FBXL18: variants seen among roughly 807,000 people sequenced by gnomAD.
FBXL18 encodes F-box/LRR-repeat protein 18.
In FBXL18, 36 loss-of-function variants were observed where a neutral mutation model predicts 46.0. That is an observed-to-expected ratio of 0.78 (90% CI 0.60 to 1.03). FBXL18 has a LOEUF of 1.03. Ranked by LOEUF, FBXL18 falls within the 50% of genes least tolerant of loss-of-function variation. The pLI, the probability that FBXL18 is intolerant of heterozygous loss-of-function variation, is 0.00. For missense variants in FBXL18, 977 were observed against 1,004.1 expected (o/e 0.97, Z 0.36); for synonymous variants, 557 against 465.3 (o/e 1.20, Z -2.54).
chr7:5,492,248 G>T (rs899897845), intron 3 of FBXL18, among the ~76,000 whole-genome samples: 1 of 150,362 alleles, frequency 6.7e-6, no homozygotes, highest in African/African-American at 2.5e-5. Context: ...ACAGAAAGCA[G>T]AAGGACAGGC....
Position 5,481,932 on chromosome 7 carries a change from C to T in FBXL18, c.2001-1G>A. On this transcript the variant is annotated splice_acceptor_variant, in intron 4 of 4. Transcript: ENST00000382368. LOFTEE classifies it high-confidence loss of function. ...TAACGCGGGCCGCTCGGCCTGGAAG[C>T]TGAACCAGAGACAGGCGGTCAGCGG... is the stretch of plus-strand genomic sequence containing the variant. 6.2e-7 allele frequency: 1 copy of T among 1,600,856 alleles called. No homozygotes were observed. Among genetic ancestry groups the T allele is most frequent in the Non-Finnish European group, 8.5e-7 (1 of 1,172,622 alleles).
chr7:5,513,649 G>A lies in FBXL18; in HGVS notation c.18+8C>T, dbSNP rs1784599290. The A allele has an allele frequency of 6.2e-7, 1 of 1,611,860 alleles. No individual in the cohort carries two copies. The highest frequency in any genetic ancestry group is 8.5e-7 in the Non-Finnish European group (1 of 1,179,058). ...CAGAAGCAGAGCGGAGACAGTCGCG[G>A]ACAGTACCTCTCCGGAGCTGGCCAT... is the stretch of plus-strand genomic sequence containing the variant. On this transcript the variant is annotated splice_region_variant and intron_variant, in intron 1 of 4. Coordinates refer to ENST00000382368, the MANE Select transcript of FBXL18 (RefSeq NM_024963.6).
intron 3 of FBXL18, among the ~76,000 whole-genome samples, chr7:5,495,129 T>G (rs954324900): frequency 2.0e-5 from 3 of 152,124 alleles, no homozygotes; most frequent in African/African-American, 7.2e-5. Context: ...AGGCTCCCAC[T>G]GCGCCGGGCC....
intron 2 of FBXL18, among the ~76,000 whole-genome samples, chr7:5,502,705 C>G (rs1584238081): frequency 1.3e-5 from 2 of 151,390 alleles, no homozygotes; most frequent in East Asian, 3.9e-4. Flanking sequence ...GTGGCAGGCA[C>G]CTGTAAGCCA....
chr7:5,508,162 A>G (rs1784439529), intron 1 of FBXL18, among the ~76,000 whole-genome samples: 1 of 152,040 alleles, frequency 6.6e-6, no homozygotes, highest in Non-Finnish European at 1.5e-5. Context: ...GCTACTCGGG[A>G]GGCCAAGGCA....
In FBXL18 at chr7:5,480,265, C is replaced by G. The variant is rs935081949; in HGVS notation, c.*1510G>C. Among the ~76,000 whole-genome samples, 1 of 152,106 alleles carries G rather than the reference C, an allele frequency of 6.6e-6. No individual in the cohort carries two copies. Among genetic ancestry groups the G allele is most frequent in the Non-Finnish European group, 1.5e-5 (1 of 68,020 alleles). On this transcript the variant is annotated 3_prime_UTR_variant, in exon 5 of 5. Coordinates refer to ENST00000382368, the MANE Select transcript of FBXL18 (RefSeq NM_024963.6). Reference sequence around the variant, plus strand: ...GGCCCTTCACCAAGAGCGGCCAGGGCGGCGGTCCAGGCTAGCAGGGCCCAA... The same window carrying G: ...GGCCCTTCACCAAGAGCGGCCAGGGGGGCGGTCCAGGCTAGCAGGGCCCAA...
chr7:5,479,345 G>C lies in FBXL18; in HGVS notation c.*2430C>G, dbSNP rs1157237987. On this transcript the variant is annotated 3_prime_UTR_variant, in exon 5 of 5. Coordinates refer to ENST00000382368, the MANE Select transcript of FBXL18 (RefSeq NM_024963.6). Reference sequence around the variant, plus strand: ...CAGACGCAATTCTCTAGCCCGAGTGGGGAATGTTCTGGAGGAAGGAGTGGG... The same window carrying C: ...CAGACGCAATTCTCTAGCCCGAGTGCGGAATGTTCTGGAGGAAGGAGTGGG... 2 of 152,230 alleles carry C rather than the reference G, an allele frequency of 1.3e-5. No individual in the cohort carries two copies. The highest frequency in any genetic ancestry group is 1.9e-4 in the East Asian group (1 of 5,186). The allele number at this position is 152,230 out of a possible 1,614,324, so 9.4% of individuals were successfully genotyped here.
At chr7:5,483,081 G>A (rs1346300786) in intron 4 of FBXL18, among the ~76,000 whole-genome samples, 3 of 150,808 alleles carry the variant, frequency 2.0e-5, no homozygotes, top group South Asian at 2.1e-4. Flanking sequence ...ATACAAAGAC[G>A]ACCCAAGTGC....
intron 1 of FBXL18, among the ~76,000 whole-genome samples, chr7:5,509,638 T>C (rs1784478367): frequency 6.9e-6 from 1 of 144,286 alleles, no homozygotes; most frequent in South Asian, 2.2e-4. Flanking sequence ...GGAGGTGGAG[T>C]TTGCAGTGAG....
At chr7:5,512,658 G>T (rs1237437692) in intron 1 of FBXL18, among the ~76,000 whole-genome samples, 2 of 152,152 alleles carry the variant, frequency 1.3e-5, no homozygotes, top group Non-Finnish European at 2.9e-5. Context: ...CTGTAATTCT[G>T]TAAGACCAAG....
intron 1 of FBXL18, among the ~76,000 whole-genome samples, chr7:5,512,244 C>CAA (rs544569914): frequency 1.2e-4 from 7 of 60,818 alleles, no homozygotes; most frequent in African/African-American, 2.0e-4. Flanking sequence ...GACTCCGTCT[C>CAA]AAAAAAAAAA....
Position 5,494,759 on chromosome 7 carries a change from C to T in FBXL18, c.1782-3310G>A, listed in dbSNP as rs144818090. Among the ~76,000 whole-genome samples the T allele has an allele frequency of 5.9e-3, 902 of 152,266 alleles. 3 individuals carry two copies. Among genetic ancestry groups the T allele is most frequent in the Non-Finnish European group, 8.2e-3 (560 of 68,010 alleles). On this transcript the variant is annotated intron_variant, in intron 3 of 4. Transcript: ENST00000382368. Reference sequence around the variant, plus strand: ...CAGACAGCAGGAGATGGAAACGGGGCGTTGGGCAAGGACGGTGCCGTCGTG... The same window carrying T: ...CAGACAGCAGGAGATGGAAACGGGGTGTTGGGCAAGGACGGTGCCGTCGTG...
intron 3 of FBXL18, among the ~76,000 whole-genome samples, chr7:5,492,420 G>A (rs2128235861): frequency 6.6e-6 from 1 of 151,690 alleles, no homozygotes; most frequent in South Asian, 2.1e-4. Flanking sequence ...GGAGCAGAGA[G>A]GCTGGAGGGG....
rs1358368433 is a variant in FBXL18, at chr7:5,501,280, T to C, written c.989A>G (p.His330Arg). Residue 330 changes from histidine (H) to arginine (R), a missense_variant, in exon 3 of 5, where the codon CAT (histidine) becomes CGT (arginine). Coordinates refer to ENST00000382368, the MANE Select transcript of FBXL18 (RefSeq NM_024963.6). ...GCCGTTGATGACCTGCTGGATCAGA[T>C]GGCCGCCTGACAGGGTACAGCGGCT... ...SFSRCTLSGG[H>R]LIQQVINGGK... The C allele has an allele frequency of 3.7e-6, 6 of 1,614,028 alleles. No homozygotes were observed. Among genetic ancestry groups the C allele is most frequent in the Non-Finnish European group, 5.1e-6 (6 of 1,180,030 alleles).
chr7:5,484,750 C>T (rs545645452), intron 4 of FBXL18, among the ~76,000 whole-genome samples: 32 of 151,758 alleles, frequency 2.1e-4, no homozygotes, highest in African/African-American at 6.0e-4. Context: ...ACGATTTTCC[C>T]GTCTCAGCCT....
intron 3 of FBXL18, chr7:5,495,888 G>A (rs1371869633): frequency 4.2e-6 from 2 of 477,982 alleles, no homozygotes; most frequent in African/African-American, 2.0e-5. Context: ...AGCAGACGTG[G>A]TTCTCAGGGG....
Position 5,496,403 on chromosome 7 carries a change from A to G in FBXL18, c.1781+4085T>C, listed in dbSNP as rs1784082505. The stretch of plus-strand genomic sequence containing the variant: ...AGCCTCTGCTCGGTCTCCCTTCCAC[A>G]TTCTTCTTCCTCTTCCTGGCCAATC... On this transcript the variant is annotated intron_variant, in intron 3 of 4. Transcript: ENST00000382368. The surrounding 1 kb of genome is among the most constrained non-coding windows in gnomAD (Gnocchi z 4.8). Among the ~76,000 whole-genome samples the G allele has an allele frequency of 6.6e-6, 1 of 151,880 alleles. No individual in the cohort carries two copies. The highest frequency in any genetic ancestry group is 2.1e-4 in the South Asian group (1 of 4,818).
At chr7:5,459,324 C>T (rs764311909) in intron 4 of FBXL18, among the ~76,000 whole-genome samples, 26 of 151,838 alleles carry the variant, frequency 1.7e-4, no homozygotes, top group African/African-American at 6.3e-4. Context: ...ACAAGGGGGC[C>T]GGGCGTGGTG....
intron 3 of FBXL18, among the ~76,000 whole-genome samples, chr7:5,497,306 C>T (rs544503858): frequency 3.9e-5 from 6 of 152,212 alleles, no homozygotes; most frequent in East Asian, 1.9e-4. Flanking sequence ...AGCAGTCGCC[C>T]GTCCTGGTTC....
Sources: gnomAD v4.1 joint callset for allele counts (sites outside exome capture counted in the v4.1 genomes callset) on GRCh38, gnomAD v4.1.1 for gene constraint, Gnocchi (gnomAD v3.1) non-coding constraint, MANE v1.5 for transcripts, NCBI Gene and HGNC (gene_info 2026-07-23, HGNC 2026-07-21) for gene names.